Variants in AFF2 observed in about 807,000 individuals in gnomAD.
AFF2 encodes ALF transcription elongation factor 2.
AFF2 carries 14 observed loss-of-function variants against 76.9 expected under a neutral mutation model. The ratio of observed to expected loss-of-function variants is 0.18; its 90% CI spans 0.12 to 0.28. The LOEUF is 0.28. Ranked by LOEUF, AFF2 falls within the 10% of genes least tolerant of loss-of-function variation. The probability of loss-of-function intolerance (pLI) is 1.00; values close to 1 mark genes in which losing one functional copy is unlikely to be tolerated. For missense variants in AFF2, 868 were observed against 1,001.1 expected (o/e 0.87, Z 1.79); for synonymous variants, 398 against 366.7 (o/e 1.09, Z -0.98).
At chrX:148,603,015 T>C in intron 1 of AFF2, among the ~76,000 whole-genome samples, 1 of 111,376 alleles carries the variant, frequency 9.0e-6, no homozygotes, top group Middle Eastern at 4.6e-3. Context: ...CAATCTGAAG[T>C]TTCTGATTTG....
intron 3 of AFF2, among the ~76,000 whole-genome samples, chrX:148,682,106 T>TA (rs1307475117): frequency 8.9e-6 from 1 of 111,968 alleles, no homozygotes; most frequent in Non-Finnish European, 1.9e-5. Context: ...AATCAAAAGT[T>TA]ACTCAGCTGG....
At chrX:148,745,186 A>G (rs781997703) in intron 3 of AFF2, among the ~76,000 whole-genome samples, 1 of 111,975 alleles carries the variant, frequency 8.9e-6, no homozygotes, top group East Asian at 2.8e-4. Flanking sequence ...TCATTGCCAT[A>G]TAACTCAGAG....
intron 3 of AFF2, among the ~76,000 whole-genome samples, chrX:148,748,579 C>T (rs2055455011): frequency 8.9e-6 from 1 of 111,732 alleles, no homozygotes. Flanking sequence ...TCCTCATTTT[C>T]CAATATAAGC....
chrX:148,986,213 G>C (rs1343119128), intron 19 of AFF2, among the ~76,000 whole-genome samples: 1 of 112,011 alleles, frequency 8.9e-6, no homozygotes, highest in African/African-American at 3.2e-5. Flanking sequence ...GAGTCCTAAA[G>C]ACATCTTCCC....
chrX:148,779,736 G>A (rs1394133548), intron 3 of AFF2, among the ~76,000 whole-genome samples: 2 of 111,911 alleles, frequency 1.8e-5, no homozygotes, highest in East Asian at 5.6e-4. Context: ...GGGGCATTTA[G>A]CCCGTTTACA....
Position 148,675,257 on chromosome X carries a change from C to T in AFF2, c.1041+12489C>T, listed in dbSNP as rs146320935. On this transcript the variant is annotated intron_variant, in intron 3 of 20. Transcript: ENST00000370460. Reference sequence around the variant, plus strand: ...AAGATGAGGTGAGGTTCAGCAAGGGCTTTGGGAAACACATGGGTTGATGGA... The same window carrying T: ...AAGATGAGGTGAGGTTCAGCAAGGGTTTTGGGAAACACATGGGTTGATGGA... 1.3e-3 allele frequency among the ~76,000 whole-genome samples: 146 copies of T among 108,760 alleles called. 3 individuals carry two copies. The East Asian group carries it at 0.014, about 11-fold the overall frequency. The allele number at this position is 108,760 out of a possible 115,157, so 94.4% of individuals were successfully genotyped here. A position where few individuals can be genotyped will look rare whatever the true frequency, so the allele number is the denominator to read the frequency against.
At chrX:148,781,700 G>T (rs1319208833) in intron 3 of AFF2, among the ~76,000 whole-genome samples, 1 of 111,619 alleles carries the variant, frequency 9.0e-6, no homozygotes, top group Non-Finnish European at 1.9e-5. Flanking sequence ...CTTTCCAGGG[G>T]AGTGAATGGT....
intron 12 of AFF2, among the ~76,000 whole-genome samples, chrX:148,962,254 A>C (rs782401812): frequency 3.8e-4 from 43 of 112,555 alleles, no homozygotes; most frequent in Non-Finnish European, 5.8e-4. Flanking sequence ...TTTCTTAAGA[A>C]AGTATTCTTC....
chrX:148,977,891 G>A (rs782153556), intron 16 of AFF2, 42 bp from the exon 17 acceptor site: 2 of 971,222 alleles, frequency 2.1e-6, no homozygotes, highest in Admixed American at 2.2e-5. Flanking sequence ...ATTTCTGAAG[G>A]GTAATACAGA....
At chrX:148,787,487 A>G (rs2069837007) in intron 3 of AFF2, among the ~76,000 whole-genome samples, 1 of 112,347 alleles carries the variant, frequency 8.9e-6, no homozygotes, top group Non-Finnish European at 1.9e-5. Context: ...AATATTCCCA[A>G]TGACAACACT....
chrX:148,856,161 T>G (rs184692758), intron 7 of AFF2, among the ~76,000 whole-genome samples: 3 of 111,653 alleles, frequency 2.7e-5, no homozygotes, highest in Admixed American at 9.5e-5. Context: ...ACGTCTTAAA[T>G]GTATAGATAT....
intron 1 of AFF2, among the ~76,000 whole-genome samples, chrX:148,585,856 AAG>A (rs200943804): frequency 0.023 from 2,285 of 99,763 alleles, 59 homozygotes; most frequent in East Asian, 0.059. Context: ...AAAAAAAAAA[AAG>A]AAAAAGAAAA....
intron 3 of AFF2, among the ~76,000 whole-genome samples, chrX:148,670,312 AG>A (rs1465078536): frequency 9.0e-6 from 1 of 111,470 alleles, no homozygotes; most frequent in African/African-American, 3.3e-5. Context: ...GTAACCAGGG[AG>A]GGTTTCACAG....
intron 9 of AFF2, among the ~76,000 whole-genome samples, chrX:148,906,432 A>T (rs994927254): frequency 8.9e-6 from 1 of 111,878 alleles, no homozygotes. Context: ...CCGACTAAGA[A>T]TTCCTAAGCC....
chrX:148,639,163 A>G (rs1232444066), intron 1 of AFF2, among the ~76,000 whole-genome samples: 3 of 112,315 alleles, frequency 2.7e-5, no homozygotes, highest in Non-Finnish European at 5.6e-5. Context: ...AGATTGCTGC[A>G]AGTTTTGTGT....
At chrX:148,508,540 T>C (rs1003781672) in intron 1 of AFF2, among the ~76,000 whole-genome samples, 5 of 111,698 alleles carry the variant, frequency 4.5e-5, no homozygotes, top group African/African-American at 1.6e-4. Context: ...GAATGTGTTG[T>C]TATAAGGTCA....
Position 148,727,394 on chromosome X carries a change from C to T in AFF2, c.1041+64626C>T, listed in dbSNP as rs181480627. On this transcript the variant is annotated intron_variant, in intron 3 of 20. Transcript: ENST00000370460. Reference sequence around the variant, plus strand: ...GTTGTATTTCCACCATATCACTTTGCAGAATTGATAGTTTCTGCTCCAAAT... The same window carrying T: ...GTTGTATTTCCACCATATCACTTTGTAGAATTGATAGTTTCTGCTCCAAAT... Among the ~76,000 whole-genome samples the T allele has an allele frequency of 2.9e-4, 33 of 111,874 alleles. 1 individual carries two copies. The highest frequency in any genetic ancestry group is 1.4e-3 in the Admixed American group (15 of 10,560).
At chrX:148,982,617 G>C (rs1326316270) in intron 19 of AFF2, among the ~76,000 whole-genome samples, 1 of 112,269 alleles carries the variant, frequency 8.9e-6, no homozygotes, top group Admixed American at 9.4e-5. Flanking sequence ...ACCCTCCTAG[G>C]CTGGCTAGCA....
At chrX:148,647,386 A>C (rs1248549954) in intron 1 of AFF2, among the ~76,000 whole-genome samples, 3 of 112,118 alleles carry the variant, frequency 2.7e-5, no homozygotes, top group African/African-American at 3.2e-5. Flanking sequence ...AAATAACCAA[A>C]TTAGGTAAAC....
Sources: allele counts gnomAD v4.1 joint callset (sites outside exome capture counted in the v4.1 genomes callset), GRCh38; gene constraint gnomAD v4.1.1; transcripts MANE v1.5; gene names NCBI Gene and HGNC (gene_info 2026-07-23, HGNC 2026-07-21).